The following GLIS3 variants were observed in gnomAD, a reference collection of about 807,000 sequenced individuals.
GLIS3 encodes GLIS family zinc finger 3, also known as zinc finger protein GLIS3.
GLIS3 carries 53 observed loss-of-function variants against 78.6 expected under a neutral mutation model. That is an observed-to-expected ratio of 0.67 (90% CI 0.54 to 0.85). The LOEUF (loss-of-function observed/expected upper bound fraction) is 0.85, where lower values mean the gene tolerates loss of function less well. GLIS3 is among the 40% of genes least tolerant of loss of function. GLIS3 has a pLI of 0.00. For missense variants in GLIS3, 1,703 were observed against 1,231.1 expected (o/e 1.38, Z -5.74); for synonymous variants, 684 against 509.9 (o/e 1.34, Z -4.60).
chr9:4,123,593 A>G (rs551845191), intron 3 of GLIS3: 1 of 358,768 alleles, frequency 2.8e-6, no homozygotes, highest in Non-Finnish European at 4.9e-6. Flanking sequence ...CCTGGACAGG[A>G]AGAAGCCATT....
chr9:4,068,932 T>A (rs1827344315), intron 4 of GLIS3, among the ~76,000 whole-genome samples: 1 of 151,716 alleles, frequency 6.6e-6, no homozygotes, highest in African/African-American at 2.4e-5. Context: ...TTAAAGGGTA[T>A]CAGAAAAATA....
chr9:4,238,428 C>T (rs1317961112), intron 2 of GLIS3, among the ~76,000 whole-genome samples: 1 of 152,078 alleles, frequency 6.6e-6, no homozygotes, highest in African/African-American at 2.4e-5. Context: ...TGTAAATCAT[C>T]CCCCAACATT....
At chr9:4,255,785 G>C (rs930939261) in intron 2 of GLIS3, among the ~76,000 whole-genome samples, 3 of 152,024 alleles carry the variant, frequency 2.0e-5, no homozygotes, top group African/African-American at 7.2e-5. Flanking sequence ...TATAATACTA[G>C]ATACATGTCA....
At chr9:4,460,123 A>T in the GLIS3 span, among the ~76,000 whole-genome samples, 3 of 152,124 alleles carry the variant, frequency 2.0e-5, no homozygotes, top group African/African-American at 7.2e-5. Flanking sequence ...GCCATGAGGA[A>T]AGGCAATTTG....
chr9:4,435,042 A>G, the GLIS3 span, among the ~76,000 whole-genome samples: 4 of 152,258 alleles, frequency 2.6e-5, no homozygotes, highest in African/African-American at 7.2e-5. Context: ...GTTCACAATC[A>G]TTAATACAGC....
At chr9:4,107,101 G>A (rs1201951924) in intron 4 of GLIS3, among the ~76,000 whole-genome samples, 1 of 152,096 alleles carries the variant, frequency 6.6e-6, no homozygotes, top group Admixed American at 6.5e-5. Context: ...AAAAATAAAT[G>A]GTCTTTAAAG....
At chr9:3,860,917 C>T (rs982446728) in intron 8 of GLIS3, among the ~76,000 whole-genome samples, 1 of 152,066 alleles carries the variant, frequency 6.6e-6, no homozygotes, top group African/African-American at 2.4e-5. Context: ...TAAGGGGAGA[C>T]AGGCAGTGAA....
chr9:3,895,822 T>C (rs1184205084), intron 7 of GLIS3, among the ~76,000 whole-genome samples: 6 of 152,256 alleles, frequency 3.9e-5, no homozygotes, highest in Non-Finnish European at 8.8e-5. Flanking sequence ...TCAATCGTTG[T>C]GGCTTCTGAA....
chr9:3,991,859 T>G (rs1820315534), intron 4 of GLIS3, among the ~76,000 whole-genome samples: 1 of 151,802 alleles, frequency 6.6e-6, no homozygotes, highest in Non-Finnish European at 1.5e-5. Context: ...CCTGGCTAAT[T>G]TTTTGTATTT....
the GLIS3 span, among the ~76,000 whole-genome samples, chr9:4,408,541 A>G: frequency 6.6e-6 from 1 of 151,886 alleles, no homozygotes; most frequent in South Asian, 2.1e-4. Context: ...ATCCTGGCTA[A>G]CACGGTGAAA....
At chr9:3,980,596 T>G (rs560770152) in intron 4 of GLIS3, among the ~76,000 whole-genome samples, 20 of 152,374 alleles carry the variant, frequency 1.3e-4, no homozygotes, top group African/African-American at 4.6e-4. Context: ...TGGTCTTCAC[T>G]GTAAGAGTTC....
chr9:4,080,297 G>C (rs1409013044), intron 4 of GLIS3, among the ~76,000 whole-genome samples: 2 of 152,288 alleles, frequency 1.3e-5, no homozygotes, highest in East Asian at 3.9e-4. Context: ...AGACACAGAG[G>C]TAAGTGCCAG....
intron 4 of GLIS3, among the ~76,000 whole-genome samples, chr9:4,102,108 C>A (rs1300997439): frequency 1.3e-5 from 2 of 152,172 alleles, no homozygotes; most frequent in African/African-American, 4.8e-5. Context: ...GGTTTCTCCA[C>A]CAGAAGAAGA....
intron 2 of GLIS3, among the ~76,000 whole-genome samples, chr9:4,209,091 T>C (rs769182399): frequency 1.1e-4 from 17 of 152,170 alleles, no homozygotes; most frequent in African/African-American, 3.9e-4. Flanking sequence ...AAAGATGACA[T>C]ATAAATTACG....
intron 2 of GLIS3, among the ~76,000 whole-genome samples, chr9:4,145,356 A>C (rs1310682217): frequency 6.6e-6 from 1 of 152,194 alleles, no homozygotes; most frequent in Non-Finnish European, 1.5e-5. Flanking sequence ...GAAAAACTAC[A>C]CCCAAAGGTG....
chr9:4,162,367 A>T (rs1835550912), intron 2 of GLIS3, among the ~76,000 whole-genome samples: 2 of 152,094 alleles, frequency 1.3e-5, no homozygotes, highest in East Asian at 1.9e-4. Context: ...ATTTGGGGGG[A>T]TATCTTTCAA....
intron 2 of GLIS3, among the ~76,000 whole-genome samples, chr9:4,333,328 G>C (rs978451689): frequency 6.6e-6 from 1 of 151,384 alleles, no homozygotes; most frequent in Non-Finnish European, 1.5e-5. Context: ...AAGGGGAAGG[G>C]AAGGAAAGGA....
At chr9:4,159,256 G>A (rs1346428777) in intron 2 of GLIS3, among the ~76,000 whole-genome samples, 2 of 152,120 alleles carry the variant, frequency 1.3e-5, no homozygotes. Flanking sequence ...CATCTCCAGG[G>A]TCATATGTGA....
chr9:4,221,388 T>A (rs916369527), intron 2 of GLIS3, among the ~76,000 whole-genome samples: 2 of 152,210 alleles, frequency 1.3e-5, no homozygotes, highest in African/African-American at 4.8e-5. Flanking sequence ...GAAAAAGAAA[T>A]AAATTATTTT....
Sources: allele counts gnomAD v4.1 joint callset (sites outside exome capture counted in the v4.1 genomes callset), GRCh38; gene constraint gnomAD v4.1.1; transcripts MANE v1.5; gene names NCBI Gene and HGNC (gene_info 2026-07-23, HGNC 2026-07-21).